Variants in PAQR5 observed in about 807,000 individuals in gnomAD.
PAQR5 encodes the protein progestin and adipoQ receptor family member 5.
PAQR5 carries 20 observed loss-of-function variants against 34.5 expected under a neutral mutation model. That is an observed-to-expected ratio of 0.58 (90% CI 0.41 to 0.84). PAQR5 has a LOEUF of 0.84. Among genes scored for constraint, PAQR5 ranks in the 40% least tolerant of loss-of-function variants. The pLI, the probability that PAQR5 is intolerant of heterozygous loss-of-function variation, is 0.00. For missense variants in PAQR5, 378 were observed against 412.7 expected (o/e 0.92, Z 0.73); for synonymous variants, 131 against 155.6 (o/e 0.84, Z 1.18).
intron 1 of PAQR5, among the ~76,000 whole-genome samples, chr15:69,331,091 ACTGTAGCC>A (rs2054369222): frequency 6.6e-6 from 1 of 152,012 alleles, no homozygotes; most frequent in Non-Finnish European, 1.5e-5. Context: ...ACGTTCCTTA[ACTGTAGCC>A]CTATCACAGG....
At chr15:69,388,126 C>A (rs746900581) in intron 5 of PAQR5, among the ~76,000 whole-genome samples, 1 of 152,204 alleles carries the variant, frequency 6.6e-6, no homozygotes, top group Non-Finnish European at 1.5e-5. Flanking sequence ...CCACCCTCTG[C>A]CCCTGCCTCC....
chr15:69,341,353 CTTTTTTTT>C (rs370642387), intron 2 of PAQR5, among the ~76,000 whole-genome samples: 2 of 117,706 alleles, frequency 1.7e-5, no homozygotes, highest in South Asian at 2.9e-4. Context: ...AATTCTATTC[CTTTTTTTT>C]TTTTTTTTTT....
intron 6 of PAQR5, chr15:69,391,588 GGTCCAGGAACCTGGACAC>G: frequency 2.2e-6 from 1 of 452,120 alleles, no homozygotes; most frequent in Non-Finnish European, 4.4e-6. Context: ...GACTGGCCAT[GGTCCAGGAACCTGGACAC>G]TCTTGGACCT....
At chr15:69,368,054 G>C (rs559446070) in intron 3 of PAQR5, among the ~76,000 whole-genome samples, 2 of 52,564 alleles carry the variant, frequency 3.8e-5, no homozygotes, top group African/African-American at 5.6e-5. Context: ...CTGCAAGAAG[G>C]CTTTCTGCTT....
At chr15:69,371,200 T>TTCAG (rs1415088155) in intron 3 of PAQR5, among the ~76,000 whole-genome samples, 3 of 152,204 alleles carry the variant, frequency 2.0e-5, no homozygotes, top group African/African-American at 7.2e-5. Context: ...TGAGATTCCA[T>TTCAG]TCAGTTTTAT....
Position 69,400,223 on chromosome 15 carries a change from G to T in PAQR5, c.751+108G>T, listed in dbSNP as rs2056581950. ...TGCAAAGGGCAGGGAAGGGCAGAGA[G>T]AGAGGCCAAGGCGAGTAACATTGCA... is the stretch of plus-strand genomic sequence containing the variant. On this transcript the variant is annotated intron_variant, in intron 8 of 8. Transcript: ENST00000395407. 5.3e-6 allele frequency: 6 copies of T among 1,129,790 alleles called. No individual in the cohort carries two copies. In the East Asian group the frequency reaches 1.4e-4, roughly 27 times the overall value. The allele number at this position is 1,129,790 out of a possible 1,614,324, so 70.0% of individuals were successfully genotyped here. A position where few individuals can be genotyped will look rare whatever the true frequency, so the allele number is the denominator to read the frequency against.
intron 1 of PAQR5, among the ~76,000 whole-genome samples, chr15:69,319,150 AATATATACATAT>A (rs2054023530): frequency 2.1e-5 from 2 of 96,778 alleles, no homozygotes; most frequent in African/African-American, 4.6e-5. Context: ...TATATATATA[AATATATACATAT>A]ATATATATAT....
intron 1 of PAQR5, among the ~76,000 whole-genome samples, chr15:69,324,005 G>A (rs1441102684): frequency 2.0e-5 from 3 of 151,840 alleles, no homozygotes; most frequent in Non-Finnish European, 2.9e-5. Flanking sequence ...CACCAGTTCT[G>A]TTGCCAGAAA....
chr15:69,337,772 T>C (rs990328871), intron 2 of PAQR5, among the ~76,000 whole-genome samples: 2 of 152,172 alleles, frequency 1.3e-5, no homozygotes, highest in Admixed American at 6.5e-5. Flanking sequence ...TTTTGTAAAC[T>C]GTAAATCAGT....
chr15:69,343,604 A>G (rs1910380), intron 2 of PAQR5, among the ~76,000 whole-genome samples: 31,686 of 152,304 alleles, frequency 0.21, 6,557 homozygotes, highest in African/African-American at 0.52. Flanking sequence ...TATTCACAAT[A>G]ACTGTCTTTC....
intron 2 of PAQR5, among the ~76,000 whole-genome samples, chr15:69,359,409 G>A (rs897439460): frequency 1.3e-5 from 2 of 152,128 alleles, no homozygotes; most frequent in Non-Finnish European, 2.9e-5. Context: ...TGTCTCAAGG[G>A]CCGAGCTCCC....
chr15:69,331,543 A>C (rs1027884206), intron 1 of PAQR5, among the ~76,000 whole-genome samples: 6 of 152,108 alleles, frequency 3.9e-5, no homozygotes, highest in African/African-American at 1.2e-4. Context: ...ATGGAAGTCC[A>C]GCAGGTCTAA....
At position 69,322,790 on chromosome 15, in the gene PAQR5, G is replaced by GAGGAA. The variant is rs2054151412; in HGVS notation, c.-276-14551_-276-14550insAGGAA. ...AAGAAGAGGGAGAAGAAGAAGACGA[G>GAGGAA]GAAGAAGAAGAAGAGGAAGAGGAAG... On this transcript the variant is annotated intron_variant, in intron 1 of 8. Coordinates refer to ENST00000395407, the MANE Select transcript of PAQR5 (RefSeq NM_017705.4). 3.0e-4 allele frequency among the ~76,000 whole-genome samples: 4 copies of GAGGAA among 13,134 alleles called. 1 individual carries two copies. The highest frequency in any genetic ancestry group is 7.0e-4 in the African/African-American group (4 of 5,726). The allele number at this position is 13,134 out of a possible 152,430, so 8.6% of individuals were successfully genotyped here. A position where few individuals can be genotyped will look rare whatever the true frequency, so the allele number is the denominator to read the frequency against.
intron 2 of PAQR5, among the ~76,000 whole-genome samples, chr15:69,350,770 C>A (rs1405223443): frequency 6.6e-6 from 1 of 152,114 alleles, no homozygotes; most frequent in Non-Finnish European, 1.5e-5. Context: ...TTTATAGACC[C>A]AAAAACCCTT....
At chr15:69,318,585 C>T (rs2054006525) in intron 1 of PAQR5, among the ~76,000 whole-genome samples, 1 of 151,990 alleles carries the variant, frequency 6.6e-6, no homozygotes, top group African/African-American at 2.4e-5. Flanking sequence ...TCACCTCCGT[C>T]ATCCATTCTG....
At chr15:69,313,160 G>A (rs746224504) in intron 1 of PAQR5, among the ~76,000 whole-genome samples, 2 of 152,100 alleles carry the variant, frequency 1.3e-5, no homozygotes, top group Admixed American at 6.6e-5. Context: ...ACCCTGTCAC[G>A]ACTCCCTGAT....
In PAQR5 at chr15:69,313,309, G is replaced by A. The variant is rs889575106; in HGVS notation, c.-277+14253G>A. On this transcript the variant is annotated intron_variant, in intron 1 of 8. Coordinates refer to ENST00000395407, the MANE Select transcript of PAQR5 (RefSeq NM_017705.4). ...AGCTGAAGCGTTTGAGACCAGCCTG[G>A]GCAACATAGTGAGACCCCCATTTTT... 1.1e-4 allele frequency among the ~76,000 whole-genome samples: 17 copies of A among 152,204 alleles called. No homozygotes were observed. The Middle Eastern group carries it at 0.01, about 91-fold the overall frequency.
At chr15:69,402,013 T>C (rs2056643055) in intron 8 of PAQR5, among the ~76,000 whole-genome samples, 1 of 151,624 alleles carries the variant, frequency 6.6e-6, no homozygotes, top group African/African-American at 2.4e-5. Flanking sequence ...GGATTACAGG[T>C]GTGAGCCACC....
intron 1 of PAQR5, among the ~76,000 whole-genome samples, chr15:69,332,059 C>T (rs1423931640): frequency 6.6e-6 from 1 of 152,164 alleles, no homozygotes; most frequent in African/African-American, 2.4e-5. Context: ...AAATTCTTAC[C>T]AGCGAAGATT....
Sources: allele counts gnomAD v4.1 joint callset (sites outside exome capture counted in the v4.1 genomes callset), GRCh38; gene constraint gnomAD v4.1.1; transcripts MANE v1.5; gene names NCBI Gene and HGNC (gene_info 2026-07-23, HGNC 2026-07-21).